THSD7A: variants seen among roughly 807,000 people sequenced by gnomAD.
THSD7A encodes thrombospondin type 1 domain containing 7A, also known as thrombospondin type-1 domain-containing protein 7A.
THSD7A carries 96 observed loss-of-function variants against 231.3 expected under a neutral mutation model. That is an observed-to-expected ratio of 0.41 (90% CI 0.35 to 0.49). The LOEUF (loss-of-function observed/expected upper bound fraction) is 0.49. THSD7A is among the 20% of genes least tolerant of loss of function. The pLI is 0.05. For synonymous variants in THSD7A, 940 were observed against 743.3 expected (o/e 1.26, Z -4.30); for missense variants, 2,290 against 2,070.2 (o/e 1.11, Z -2.06).
At chr7:11,747,365 G>A (rs959611979) in intron 1 of THSD7A, among the ~76,000 whole-genome samples, 3 of 151,792 alleles carry the variant, frequency 2.0e-5, no homozygotes, top group Non-Finnish European at 2.9e-5. Context: ...ACAATTCTAC[G>A]AATTAAAATT....
At chr7:11,799,526 T>A (rs1784220937) in intron 1 of THSD7A, among the ~76,000 whole-genome samples, 1 of 152,186 alleles carries the variant, frequency 6.6e-6, no homozygotes, top group Non-Finnish European at 1.5e-5. Context: ...ATGTATCTTA[T>A]TAGAAAGTAA....
At chr7:11,556,593 T>C (rs1789855925) in intron 4 of THSD7A, among the ~76,000 whole-genome samples, 1 of 151,940 alleles carries the variant, frequency 6.6e-6, no homozygotes, top group Admixed American at 6.6e-5. Context: ...TTCCAAGGTT[T>C]CTTCCTTTAA....
intron 11 of THSD7A, among the ~76,000 whole-genome samples, chr7:11,451,382 T>A (rs1226425622): frequency 1.3e-5 from 2 of 151,988 alleles, no homozygotes; most frequent in Non-Finnish European, 2.9e-5. Flanking sequence ...CTCAAGTATT[T>A]ATGGATGATA....
At chr7:11,529,519 G>A (rs1788614235) in intron 6 of THSD7A, among the ~76,000 whole-genome samples, 1 of 152,038 alleles carries the variant, frequency 6.6e-6, no homozygotes. Context: ...TCATGGGGAT[G>A]GTTTCCCCCA....
At chr7:11,413,405 C>T (rs1426731183) in intron 17 of THSD7A, among the ~76,000 whole-genome samples, 1 of 151,896 alleles carries the variant, frequency 6.6e-6, no homozygotes, top group Non-Finnish European at 1.5e-5. Flanking sequence ...AGGCGTTCTT[C>T]CGTAAGGGTT....
chr7:11,525,584 T>C (rs1219458370), intron 6 of THSD7A, among the ~76,000 whole-genome samples: 2 of 152,148 alleles, frequency 1.3e-5, no homozygotes, highest in African/African-American at 4.8e-5. Context: ...TTCCAAATAC[T>C]ATTATGATAT....
In THSD7A at chr7:11,373,455, A is replaced by ATTATT. The variant is rs1554296653; in HGVS notation, c.*2334_*2338dup. ...ACAATCACAGTTTTAAAGTAACAATATTATTTTTTCTTCCTCTTTAATAAA... is the reference window on the plus strand; with the variant it reads ...ACAATCACAGTTTTAAAGTAACAATATTATTTTATTTTTTCTTCCTCTTTAATAAA... On this transcript the variant is annotated 3_prime_UTR_variant, in exon 28 of 28. Coordinates refer to ENST00000423059, the MANE Select transcript of THSD7A (RefSeq NM_015204.3). 6.6e-6 allele frequency: 1 copy of ATTATT among 151,950 alleles called. No individual in the cohort carries two copies. The highest frequency in any genetic ancestry group is 2.4e-5 in the African/African-American group (1 of 41,418). The allele number at this position is 151,950 out of a possible 1,614,324, so 9.4% of individuals were successfully genotyped here.
At chr7:11,393,081 G>C (rs564608982) in intron 23 of THSD7A, among the ~76,000 whole-genome samples, 25 of 152,178 alleles carry the variant, frequency 1.6e-4, no homozygotes, top group Non-Finnish European at 1.5e-5. Flanking sequence ...TGACCCCTGT[G>C]TCTTTGACTG....
chr7:11,554,286 T>C (rs1026522253), intron 4 of THSD7A, among the ~76,000 whole-genome samples: 3 of 152,018 alleles, frequency 2.0e-5, no homozygotes, highest in Admixed American at 6.6e-5. Context: ...GAGAAGGCCA[T>C]GTGAAGGCAT....
intron 6 of THSD7A, among the ~76,000 whole-genome samples, chr7:11,490,878 T>C (rs1786863000): frequency 6.6e-6 from 1 of 152,126 alleles, no homozygotes; most frequent in Non-Finnish European, 1.5e-5. Flanking sequence ...ACTTATGGTA[T>C]TCCCATTCAT....
chr7:11,408,519 AAAAG>A (rs928191473), intron 19 of THSD7A, among the ~76,000 whole-genome samples: 2 of 150,506 alleles, frequency 1.3e-5, no homozygotes, highest in Non-Finnish European at 3.0e-5. Context: ...AAAAAAAATG[AAAAG>A]AAAGAAAAAG....
intron 1 of THSD7A, among the ~76,000 whole-genome samples, chr7:11,661,727 A>G (rs1782938572): frequency 6.6e-6 from 1 of 151,216 alleles, no homozygotes; most frequent in Admixed American, 6.6e-5. Context: ...AAAAATGTCC[A>G]AGAAGATGGT....
intron 4 of THSD7A, among the ~76,000 whole-genome samples, chr7:11,558,116 C>G (rs79554269): frequency 6.6e-6 from 1 of 152,086 alleles, no homozygotes; most frequent in Non-Finnish European, 1.5e-5. Flanking sequence ...TTCTTTAGCT[C>G]CAACCTTGAG....
chr7:11,413,650 C>T (rs1388158459), intron 17 of THSD7A, among the ~76,000 whole-genome samples: 1 of 152,182 alleles, frequency 6.6e-6, no homozygotes, highest in Non-Finnish European at 1.5e-5. Context: ...ACCCAAGTGC[C>T]TTTGTAAAGC....
intron 1 of THSD7A, among the ~76,000 whole-genome samples, chr7:11,781,992 T>C (rs1202981393): frequency 6.6e-6 from 1 of 152,164 alleles, no homozygotes; most frequent in Non-Finnish European, 1.5e-5. Flanking sequence ...ATTCTCCAGA[T>C]CTAATTGTAC....
intron 1 of THSD7A, among the ~76,000 whole-genome samples, chr7:11,819,918 C>T (rs761978841): frequency 2.0e-5 from 3 of 152,148 alleles, no homozygotes; most frequent in Non-Finnish European, 4.4e-5. Flanking sequence ...AGAATGGGAA[C>T]ATAAGGCAAC....
chr7:11,723,836 AT>A (rs1781447656), intron 1 of THSD7A, among the ~76,000 whole-genome samples: 1 of 151,946 alleles, frequency 6.6e-6, no homozygotes, highest in Non-Finnish European at 1.5e-5. Context: ...TAGAAAATAA[AT>A]TCAGATAGTA....
chr7:11,766,089 C>T (rs1783020706), intron 1 of THSD7A, among the ~76,000 whole-genome samples: 1 of 152,122 alleles, frequency 6.6e-6, no homozygotes, highest in Non-Finnish European at 1.5e-5. Flanking sequence ...TGTGGAAGGG[C>T]AGTGAATTTT....
chr7:11,438,645 T>A (rs1784708181), intron 13 of THSD7A, among the ~76,000 whole-genome samples: 1 of 152,072 alleles, frequency 6.6e-6, no homozygotes, highest in Non-Finnish European at 1.5e-5. Context: ...TATTCTGAAC[T>A]ATTTAATTGT....
Sources: gnomAD v4.1 joint callset for allele counts (sites outside exome capture counted in the v4.1 genomes callset) on GRCh38, gnomAD v4.1.1 for gene constraint, MANE v1.5 for transcripts, NCBI Gene and HGNC (gene_info 2026-07-23, HGNC 2026-07-21) for gene names.